The following IQANK1 variants were observed in gnomAD, a reference collection of about 807,000 sequenced individuals.
IQANK1 encodes the protein IQ motif and ankyrin repeat domain-containing protein 1.
IQANK1 carries 30 observed loss-of-function variants against 22.6 expected under a neutral mutation model. The ratio of observed to expected loss-of-function variants is 1.33; its 90% CI spans 0.99 to 1.80. IQANK1 has a LOEUF of 1.80. Ranked by LOEUF, IQANK1 falls within the 40% of genes most tolerant of loss-of-function variation. IQANK1 has a pLI of 0.00. For missense variants in IQANK1, 275 were observed against 235.2 expected (o/e 1.17, Z -1.11); for synonymous variants, 122 against 99.6 (o/e 1.23, Z -1.34).
chr8:143,739,452 G>C (rs1477683543), intron 2 of IQANK1: 2 of 170,442 alleles, frequency 1.2e-5, no homozygotes, highest in African/African-American at 4.7e-5. Context: ...GGGGAGTGCC[G>C]AATTGGACAC....
At position 143,771,635 on chromosome 8, in the gene IQANK1, G is replaced by A; in HGVS notation, c.306+17G>A. The A allele has an allele frequency of 2.5e-6, 1 of 399,172 alleles. No homozygotes were observed. The highest frequency in any genetic ancestry group is 4.4e-6 in the Non-Finnish European group (1 of 226,724). The allele number at this position is 399,172 out of a possible 1,614,324, so 24.7% of individuals were successfully genotyped here. A position where few individuals can be genotyped will look rare whatever the true frequency, so the allele number is the denominator to read the frequency against. On this transcript the variant is annotated intron_variant, in intron 4 of 13. Transcript: ENST00000527139. This position sits in a 1 kb window ranked among gnomAD's most constrained non-coding sequence, Gnocchi z 6.0. ...CAGAAGGAGGTGAGGACGGGCAGCC[G>A]CAACAGCCGGGGGCCAGGCAGGAGG...
At position 143,789,469 on chromosome 8, in the gene IQANK1, A is replaced by G. The variant is rs1819971977; in HGVS notation, c.1027A>G (p.Ile343Val). 1.6e-6 allele frequency: 2 copies of G among 1,232,032 alleles called. No individual in the cohort carries two copies. Among genetic ancestry groups the G allele is most frequent in the Non-Finnish European group, 2.0e-6 (2 of 988,162 alleles). The allele number at this position is 1,232,032 out of a possible 1,614,324, so 76.3% of individuals were successfully genotyped here. Residue 343 changes from isoleucine (I) to valine (V), a missense_variant, in exon 10 of 14, where the codon ATC (isoleucine) becomes GTC (valine). Transcript: ENST00000527139. ...QQAYCELSRR[I>V]SEHDQCEWRC... Reference sequence around the variant, plus strand: ...GGCCTACTGTGAGCTTAGCCGGAGGATCTCAGAGCACGACCAGTGTGAGTG... The same window carrying G: ...GGCCTACTGTGAGCTTAGCCGGAGGGTCTCAGAGCACGACCAGTGTGAGTG...
chr8:143,787,183 G>A (rs368508700), intron 7 of IQANK1, among the ~76,000 whole-genome samples: 1 of 128,930 alleles, frequency 7.8e-6, no homozygotes, highest in Non-Finnish European at 1.8e-5. Flanking sequence ...AGCAGGGTCG[G>A]TCTAAATGTC....
intron 7 of IQANK1, among the ~76,000 whole-genome samples, chr8:143,787,354 T>C (rs1819910034): frequency 6.6e-6 from 1 of 152,108 alleles, no homozygotes; most frequent in Non-Finnish European, 1.5e-5. Context: ...CAGGTGGCCG[T>C]GGAGGTGAGT....
intron 3 of IQANK1, among the ~76,000 whole-genome samples, chr8:143,743,417 CTG>C (rs1563768549): frequency 6.6e-6 from 1 of 152,092 alleles, no homozygotes; most frequent in Non-Finnish European, 1.5e-5. Context: ...TTCAGTATAA[CTG>C]TATGGGTTTT....
chr8:143,775,068 G>A lies in IQANK1; in HGVS notation c.789+2586G>A, dbSNP rs537770787. Among the ~76,000 whole-genome samples the A allele has an allele frequency of 6.6e-5, 10 of 152,228 alleles. No individual in the cohort carries two copies. The South Asian group carries it at 1.9e-3, about 28-fold the overall frequency. The stretch of plus-strand genomic sequence containing the variant: ...TGAGACAGTCTTGTATCTTGATTAC[G>A]ATGGTCGTAACGCAAAACTGCACAT... On this transcript the variant is annotated intron_variant, in intron 7 of 13. Coordinates refer to ENST00000527139, the MANE Select transcript of IQANK1 (RefSeq NM_001381874.1).
intron 3 of IQANK1, among the ~76,000 whole-genome samples, chr8:143,766,929 G>A (rs782446841): frequency 6.6e-6 from 1 of 152,210 alleles, no homozygotes; most frequent in African/African-American, 2.4e-5. Context: ...CCCCACCACT[G>A]ACTGAAATCT....
intron 7 of IQANK1, among the ~76,000 whole-genome samples, chr8:143,786,582 T>C (rs1253128127): frequency 2.0e-5 from 3 of 152,210 alleles, no homozygotes; most frequent in African/African-American, 7.2e-5. Context: ...CATCCGTTCA[T>C]GATTAGCCCA....
intron 3 of IQANK1, among the ~76,000 whole-genome samples, chr8:143,769,009 C>T (rs1404722639): frequency 1.3e-5 from 2 of 152,154 alleles, no homozygotes; most frequent in East Asian, 3.9e-4. Flanking sequence ...AAATCCGGGA[C>T]ATCCATTTAA....
At position 143,790,528 on chromosome 8, in the gene IQANK1, AC is replaced by A; in HGVS notation, c.1605del (p.Lys536ArgfsTer?). 2.5e-6 allele frequency: 1 copy of A among 401,514 alleles called. No homozygotes were observed. The highest frequency in any genetic ancestry group is 1.3e-4 in the South Asian group (1 of 7,888). The allele number at this position is 401,514 out of a possible 1,614,324, so 24.9% of individuals were successfully genotyped here. A position where few individuals can be genotyped will look rare whatever the true frequency, so the allele number is the denominator to read the frequency against. The part of the protein sequence containing the change: ...RLEHFRLFFV[T>X]KVQWPPAEQL... ...GGAGCACTTCCGCCTCTTTTTCGTC[AC>A]CAAGGTCCAGTGGCCGCCAGCTGAG... On this transcript the variant is annotated frameshift_variant, in exon 14 of 14. Transcript: ENST00000527139. LOFTEE classifies it low-confidence loss of function (END_TRUNC).
Position 143,762,192 on chromosome 8 carries a change from T to C in IQANK1, c.176-9296T>C, listed in dbSNP as rs1361241515. On this transcript the variant is annotated intron_variant, in intron 3 of 13. Transcript: ENST00000527139. ...CAGGCGTGGTGGCAAGCACCTGTAA[T>C]CCCAGCTACTCGGGAGGCTGAGGTG... Among the ~76,000 whole-genome samples, 6 of 152,118 alleles carry C rather than the reference T, an allele frequency of 3.9e-5. No individual in the cohort carries two copies. In the East Asian group the frequency reaches 1.2e-3, roughly 29 times the overall value.
chr8:143,773,309 A>C (rs868955404), intron 7 of IQANK1, among the ~76,000 whole-genome samples: 80 of 125,900 alleles, frequency 6.4e-4, no homozygotes, highest in Non-Finnish European at 8.8e-4. Context: ...TCAAAAAAAA[A>C]AAAAAAACAA....
At chr8:143,744,014 A>G (rs1818978150) in intron 3 of IQANK1, 1 of 319,878 alleles carries the variant, frequency 3.1e-6, no homozygotes. Flanking sequence ...TTGTGTTTTT[A>G]GTAGAGACAG....
chr8:143,780,826 C>T (rs1200965282), intron 7 of IQANK1, among the ~76,000 whole-genome samples: 1 of 152,152 alleles, frequency 6.6e-6, no homozygotes, highest in East Asian at 1.9e-4. Context: ...CTTTATATTC[C>T]TCTGGGTATA....
At chr8:143,749,555 TATCATATATATCA>T (rs1467670141) in intron 3 of IQANK1, among the ~76,000 whole-genome samples, 1 of 136,440 alleles carries the variant, frequency 7.3e-6, no homozygotes, top group Non-Finnish European at 1.5e-5. Context: ...ATATGATATA[TATCATATATATCA>T]ATCATATATA....
At chr8:143,781,407 C>T (rs1012604343) in intron 7 of IQANK1, among the ~76,000 whole-genome samples, 2 of 152,120 alleles carry the variant, frequency 1.3e-5, no homozygotes, top group African/African-American at 4.8e-5. Context: ...GTTCTTATGT[C>T]CAGGATGGTA....
chr8:143,744,305 A>G (rs144256522), intron 3 of IQANK1: 2 of 153,386 alleles, frequency 1.3e-5, no homozygotes, highest in Non-Finnish European at 2.9e-5. Context: ...GGAGGTGGAC[A>G]TCTTTGGGGG....
chr8:143,784,554 C>T (rs1819852582), intron 7 of IQANK1, among the ~76,000 whole-genome samples: 1 of 152,186 alleles, frequency 6.6e-6, no homozygotes, highest in African/African-American at 2.4e-5. Context: ...TGCTGTGGAA[C>T]ATGCAGTCTC....
intron 3 of IQANK1, among the ~76,000 whole-genome samples, chr8:143,767,914 C>T (rs1201775734): frequency 4.3e-5 from 5 of 115,694 alleles, no homozygotes; most frequent in East Asian, 3.0e-4. Flanking sequence ...GACAGAGTCT[C>T]GCTCTGTCGC....
Sources: gnomAD v4.1 joint callset for allele counts (sites outside exome capture counted in the v4.1 genomes callset) on GRCh38, gnomAD v4.1.1 for gene constraint, Gnocchi (gnomAD v3.1) non-coding constraint, MANE v1.5 for transcripts, NCBI Gene and HGNC (gene_info 2026-07-23, HGNC 2026-07-21) for gene names.